TOP6BL: variants seen among roughly 807,000 people sequenced by gnomAD.
The protein encoded by TOP6BL is type 2 DNA topoisomerase 6 subunit B-like.
At chr11:66,803,277 A>G in the TOP6BL span, among the ~76,000 whole-genome samples, 1 of 152,108 alleles carries the variant, frequency 6.6e-6, no homozygotes, top group African/African-American at 2.4e-5. Context: ...TAGTGGAGGA[A>G]GTATACTTGA....
At chr11:66,836,533 T>C in the TOP6BL span, among the ~76,000 whole-genome samples, 1 of 148,056 alleles carries the variant, frequency 6.8e-6, no homozygotes, top group African/African-American at 2.5e-5. Flanking sequence ...TTTAAATTGG[T>C]TTGTTAAATT....
the TOP6BL span, among the ~76,000 whole-genome samples, chr11:66,763,247 T>C: frequency 6.6e-6 from 1 of 152,168 alleles, no homozygotes; most frequent in African/African-American, 2.4e-5. Flanking sequence ...CTAAATGAAG[T>C]GATCAGATGT....
the TOP6BL span, among the ~76,000 whole-genome samples, chr11:66,751,502 T>TC: frequency 6.6e-6 from 1 of 151,138 alleles, no homozygotes; most frequent in African/African-American, 2.4e-5. Context: ...TGACTAATTT[T>TC]TTTTTTTTTT....
chr11:66,825,776 C>T, the TOP6BL span, among the ~76,000 whole-genome samples: 1 of 151,954 alleles, frequency 6.6e-6, no homozygotes, highest in Non-Finnish European at 1.5e-5. Context: ...TGTTTCCCTT[C>T]CTTTAGGAAT....
chr11:66,816,600 C>T, the TOP6BL span, among the ~76,000 whole-genome samples: 4 of 152,254 alleles, frequency 2.6e-5, no homozygotes, highest in Admixed American at 2.0e-4. Flanking sequence ...GATGCTCTGT[C>T]GTCCAGGCTG....
chr11:66,757,837 C>T, the TOP6BL span, among the ~76,000 whole-genome samples: 11 of 152,180 alleles, frequency 7.2e-5, no homozygotes, highest in African/African-American at 1.4e-4. Flanking sequence ...ATCCACCCAC[C>T]TCAGCTTCTC....
At chr11:66,780,124 C>G in the TOP6BL span, among the ~76,000 whole-genome samples, 1 of 151,534 alleles carries the variant, frequency 6.6e-6, no homozygotes, top group Non-Finnish European at 1.5e-5. Flanking sequence ...CAAACCTGCA[C>G]GTTGTGCACA....
the TOP6BL span, among the ~76,000 whole-genome samples, chr11:66,792,273 A>G: frequency 6.6e-6 from 1 of 152,194 alleles, no homozygotes; most frequent in East Asian, 1.9e-4. Flanking sequence ...TTAGCACCTC[A>G]TTTATCTAAA....
chr11:66,804,567 C>G, the TOP6BL span, among the ~76,000 whole-genome samples: 1 of 152,136 alleles, frequency 6.6e-6, no homozygotes. Flanking sequence ...AAGTCTTTAG[C>G]AGCATTATAG....
the TOP6BL span, among the ~76,000 whole-genome samples, chr11:66,797,394 A>T: frequency 9.9e-5 from 15 of 151,850 alleles, no homozygotes; most frequent in Non-Finnish European, 2.2e-4. Context: ...TTATTGCTTT[A>T]TTGTATCACT....
the TOP6BL span, among the ~76,000 whole-genome samples, chr11:66,788,428 A>G: frequency 1.4e-4 from 22 of 152,322 alleles, no homozygotes; most frequent in East Asian, 3.7e-3. Flanking sequence ...TAGATCACCT[A>G]GGAGCTCCCA....
chr11:66,843,410 C>G, the TOP6BL span: 2 of 1,425,340 alleles, frequency 1.4e-6, no homozygotes, highest in Non-Finnish European at 9.1e-7. Flanking sequence ...GTCACCCACA[C>G]CTCCCTGGGA....
chr11:66,791,467 A>ATAT, the TOP6BL span, among the ~76,000 whole-genome samples: 13 of 152,184 alleles, frequency 8.5e-5, no homozygotes, highest in Non-Finnish European at 1.8e-4. Context: ...ACATATCTAT[A>ATAT]TATTTATACA....
At chr11:66,813,971 A>G in the TOP6BL span, 1 of 1,613,844 alleles carries the variant, frequency 6.2e-7, no homozygotes, top group African/African-American at 1.3e-5. Flanking sequence ...TGGAAAAAAT[A>G]CCATTTGTGT....
chr11:66,745,314 T>TGTGGGGGGGGGGGGG, the TOP6BL span, among the ~76,000 whole-genome samples: 1 of 111,052 alleles, frequency 9.0e-6, no homozygotes. Context: ...CGGGGCGGGG[T>TGTGGGGGGGGGGGGG]GGGGGGAGTC....
the TOP6BL span, among the ~76,000 whole-genome samples, chr11:66,840,271 C>A: frequency 6.6e-6 from 1 of 152,168 alleles, no homozygotes; most frequent in Non-Finnish European, 1.5e-5. Context: ...CTACTCCATT[C>A]TTTAAAAAAT....
At chr11:66,767,852 A>G in the TOP6BL span, among the ~76,000 whole-genome samples, 37,490 of 152,106 alleles carry the variant, frequency 0.25, 4,698 homozygotes, top group Middle Eastern at 0.32. Flanking sequence ...GTGCAGTGGC[A>G]TGACCACAGC....
At chr11:66,764,381 C>T in the TOP6BL span, among the ~76,000 whole-genome samples, 66 of 151,476 alleles carry the variant, frequency 4.4e-4, no homozygotes, top group Middle Eastern at 0.01. Context: ...CGGCCGGGCG[C>T]GGTGGCTCAC....
the TOP6BL span, among the ~76,000 whole-genome samples, chr11:66,745,309 C>CGGGGGGGGGGGGGGGG: frequency 1.7e-4 from 2 of 11,686 alleles, no homozygotes; most frequent in South Asian, 2.6e-3. Context: ...CGTTGCGGGG[C>CGGGGGGGGGGGGGGGG]GGGGTGGGGG....
Sources: gnomAD v4.1 joint callset for allele counts (sites outside exome capture counted in the v4.1 genomes callset) on GRCh38, gnomAD v4.1.1 for gene constraint, MANE v1.5 for transcripts, NCBI Gene and HGNC (gene_info 2026-07-23, HGNC 2026-07-21) for gene names.